Variants in CCDC28B observed in about 807,000 individuals in gnomAD.
The protein encoded by CCDC28B is coiled-coil domain-containing protein 28B.
A neutral mutation model predicts 18.7 loss-of-function variants in CCDC28B; 17 were observed. That is an observed-to-expected ratio of 0.91 (90% CI 0.62 to 1.36). The LOEUF is 1.36. CCDC28B is among the 40% of genes most tolerant of loss of function. The pLI is 0.00. For missense variants in CCDC28B, 213 were observed against 251.7 expected (o/e 0.85, Z 1.04); for synonymous variants, 116 against 105.1 (o/e 1.10, Z -0.64).
intron 2 of CCDC28B, chr1:32,202,655 G>A (rs983730026): frequency 1.3e-5 from 3 of 235,500 alleles, no homozygotes; most frequent in Non-Finnish European, 2.6e-5. Flanking sequence ...ACTTGCCTAA[G>A]GGGCATGAAG....
Position 32,201,800 on chromosome 1 carries a change from G to A in CCDC28B, c.-23-113G>A. On this transcript the variant is annotated intron_variant, in intron 1 of 5. Coordinates refer to ENST00000373602, the MANE Select transcript of CCDC28B (RefSeq NM_024296.5). ...CTGGCTCTGCCCCTACCGTATAGAT[G>A]AGGTGACAAGCTGGAAGGTCCCAGG... The A allele has an allele frequency of 6.0e-6, 5 of 834,858 alleles. No homozygotes were observed. The South Asian group carries it at 6.8e-5, about 11-fold the overall frequency. The allele number at this position is 834,858 out of a possible 1,614,324, so 51.7% of individuals were successfully genotyped here.
upstream of CCDC28B, chr1:32,196,434 G>A (rs1643026659): frequency 6.6e-6 from 1 of 152,146 alleles, no homozygotes; most frequent in South Asian, 2.1e-4. Context: ...TTCCTGTGTG[G>A]GAGCCCATAG....
At chr1:32,198,325 A>G (rs1334425371), upstream of CCDC28B, 2 of 152,232 alleles carry the variant, frequency 1.3e-5, no homozygotes, top group Non-Finnish European at 2.9e-5. Context: ...TTGTTTCTGG[A>G]TCTGATCCAT....
chr1:32,202,412 T>C (rs1254337574), intron 2 of CCDC28B: 1 of 500,712 alleles, frequency 2.0e-6, no homozygotes, highest in Non-Finnish European at 3.8e-6. Context: ...AGCTATTACC[T>C]GAAAGGTTTC....
At position 32,204,183 on chromosome 1, in the gene CCDC28B, C is replaced by T. The variant is rs377238220; in HGVS notation, c.332-3C>T. 3.1e-6 allele frequency: 5 copies of T among 1,613,928 alleles called. No homozygotes were observed. Among genetic ancestry groups the T allele is most frequent in the Non-Finnish European group, 4.2e-6 (5 of 1,179,936 alleles). ...CAGGGTTCAGACAGGGGCTTCGTTCCAGGGAAGGAATGCTCCTTTGAGCAG... is the reference window on the plus strand; with the variant it reads ...CAGGGTTCAGACAGGGGCTTCGTTCTAGGGAAGGAATGCTCCTTTGAGCAG... On this transcript the variant is annotated splice_polypyrimidine_tract_variant and splice_region_variant and intron_variant, in intron 3 of 5. Transcript: ENST00000373602.
chr1:32,199,207 C>T (rs1278046100), upstream of CCDC28B, among the ~76,000 whole-genome samples: 4 of 152,236 alleles, frequency 2.6e-5, no homozygotes, highest in African/African-American at 4.8e-5. Context: ...CAGGAAATGG[C>T]AGAGACAACC....
chr1:32,205,323 C>A lies in CCDC28B; in HGVS notation c.*75C>A. 6.9e-7 allele frequency: 1 copy of A among 1,447,106 alleles called. No individual in the cohort carries two copies. The highest frequency in any genetic ancestry group is 1.3e-5 in the South Asian group (1 of 75,704). 89.6% of individuals were successfully genotyped at this position (1,447,106 alleles called of 1,614,324 possible). ...CTTTTTACAGACTCGGGCGGGTGTTCTGCGGCCCCCCAGGTGCTATGGGGG... is the reference window on the plus strand; with the variant it reads ...CTTTTTACAGACTCGGGCGGGTGTTATGCGGCCCCCCAGGTGCTATGGGGG... On this transcript the variant is annotated 3_prime_UTR_variant, in exon 6 of 6. Coordinates refer to ENST00000373602, the MANE Select transcript of CCDC28B (RefSeq NM_024296.5). This position sits in a 1 kb window ranked among gnomAD's most constrained non-coding sequence, Gnocchi z 5.6.
intron 2 of CCDC28B, chr1:32,203,149 T>G (rs1363171419): frequency 1.3e-5 from 2 of 150,548 alleles, no homozygotes; most frequent in East Asian, 4.0e-4. Flanking sequence ...AAAAAAATTT[T>G]TTTTTTAATT....
intron 2 of CCDC28B, 79 bp downstream of exon 2, chr1:32,202,178 C>T (rs766854467): frequency 2.1e-5 from 32 of 1,554,162 alleles, no homozygotes; most frequent in African/African-American, 6.8e-5. Context: ...GGGGGGCCTC[C>T]GCCTTTAGTT....
Position 32,201,964 on chromosome 1 carries a change from C to T in CCDC28B, c.29C>T (p.Pro10Leu). MDDKKKKRS[P>L]KPCLAQPAQA... ...GATGACAAAAAGAAGAAACGGAGTC[C>T]CAAGCCCTGCCTGGCCCAGCCAGCC... is the stretch of plus-strand genomic sequence containing the variant. Residue 10 changes from proline to leucine, a missense_variant, in exon 2 of 6, where the codon CCC becomes CTC. Transcript: ENST00000373602. 1 of 1,611,086 alleles carries T rather than the reference C, an allele frequency of 6.2e-7. No individual in the cohort carries two copies. The highest frequency in any genetic ancestry group is 8.5e-7 in the Non-Finnish European group (1 of 1,178,854).
At chr1:32,204,645 ATG>A (rs772582145) in intron 5 of CCDC28B, 25 bp downstream of exon 5, 7 of 1,610,896 alleles carry the variant, frequency 4.3e-6, no homozygotes, top group Admixed American at 3.4e-5. Flanking sequence ...GAACCCGTCT[ATG>A]TGTGTGTGTT....
chr1:32,201,363 T>C (rs1643144202), intron 1 of CCDC28B, among the ~76,000 whole-genome samples: 2 of 152,140 alleles, frequency 1.3e-5, no homozygotes, highest in East Asian at 1.9e-4. Context: ...CCGGTGTCTA[T>C]GTGGGGGAAA....
At chr1:32,199,521 G>A (rs1010037788), upstream of CCDC28B, among the ~76,000 whole-genome samples, 5 of 152,168 alleles carry the variant, frequency 3.3e-5, no homozygotes, top group Non-Finnish European at 5.9e-5. Flanking sequence ...TAGCAGCTCC[G>A]GTGGGGAAGG....
chr1:32,198,648 C>A (rs1643077548), upstream of CCDC28B, among the ~76,000 whole-genome samples: 1 of 152,196 alleles, frequency 6.6e-6, no homozygotes, highest in African/African-American at 2.4e-5. Flanking sequence ...CCCCCTTCAG[C>A]AAGGTGAGGG....
intron 2 of CCDC28B, chr1:32,202,952 G>A (rs912797597): frequency 6.6e-6 from 1 of 152,258 alleles, no homozygotes; most frequent in African/African-American, 2.4e-5. Flanking sequence ...TGGTCAACAT[G>A]GTGAAACCTC....
At position 32,205,325 on chromosome 1, in the gene CCDC28B, G is replaced by A; in HGVS notation, c.*77G>A. ...TTTTACAGACTCGGGCGGGTGTTCT[G>A]CGGCCCCCCAGGTGCTATGGGGGAG... On this transcript the variant is annotated 3_prime_UTR_variant, in exon 6 of 6. Transcript: ENST00000373602. The surrounding 1 kb of genome is among the most constrained non-coding windows in gnomAD (Gnocchi z 5.6). 6.9e-7 allele frequency: 1 copy of A among 1,444,484 alleles called. No individual in the cohort carries two copies. The allele number at this position is 1,444,484 out of a possible 1,614,324, so 89.5% of individuals were successfully genotyped here.
At position 32,204,320 on chromosome 1, in the gene CCDC28B, C is replaced by G. The variant is rs1316478439; in HGVS notation, c.466C>G (p.Leu156Val). ...GGAAGAGGATGGGGTCACTGAGGGG[C>G]TGCCAGAGGAGCAGAAGAAGACAAT... ...EEEEDGVTEGLPEEQKKTMAD... is the reference protein window; with the variant it reads ...EEEEDGVTEGVPEEQKKTMAD... The change falls in exon 4 of 6, where the codon CTG becomes GTG. Residue 156 changes from leucine (L) to valine (V), a missense_variant. Transcript: ENST00000373602. The G allele has an allele frequency of 6.2e-7, 1 of 1,610,132 alleles. No homozygotes were observed. The highest frequency in any genetic ancestry group is 8.5e-7 in the Non-Finnish European group (1 of 1,178,020).
At position 32,205,005 on chromosome 1, in the gene CCDC28B, C is replaced by G; in HGVS notation, c.549-189C>G. 2 of 1,182,922 alleles carry G rather than the reference C, an allele frequency of 1.7e-6. No individual in the cohort carries two copies. Among genetic ancestry groups the G allele is most frequent in the Non-Finnish European group, 2.3e-6 (2 of 853,044 alleles). 73.3% of individuals were successfully genotyped at this position (1,182,922 alleles called of 1,614,324 possible). On this transcript the variant is annotated intron_variant, in intron 5 of 5. Coordinates refer to ENST00000373602, the MANE Select transcript of CCDC28B (RefSeq NM_024296.5). The surrounding 1 kb of genome is among the most constrained non-coding windows in gnomAD (Gnocchi z 5.6). ...GCGCACACACCCCAGTGTGTCTGACCTGCACGATCTGGATGAAGAGAGAGG... is the reference window on the plus strand; with the variant it reads ...GCGCACACACCCCAGTGTGTCTGACGTGCACGATCTGGATGAAGAGAGAGG...
At chr1:32,202,175 C>T in intron 2 of CCDC28B, 76 bp downstream of exon 2, 1 of 1,568,082 alleles carries the variant, frequency 6.4e-7, no homozygotes, top group Non-Finnish European at 8.8e-7. Flanking sequence ...CAAGGGGGGC[C>T]TCCGCCTTTA....
Sources: allele counts gnomAD v4.1 joint callset (sites outside exome capture counted in the v4.1 genomes callset), GRCh38; gene constraint gnomAD v4.1.1; non-coding constraint Gnocchi (gnomAD v3.1); transcripts MANE v1.5; gene names NCBI Gene and HGNC (gene_info 2026-07-23, HGNC 2026-07-21).